Variants in DFFB observed in about 807,000 individuals in gnomAD.
DFFB encodes DNA fragmentation factor 40 kDa subunit.
DFFB carries 29 observed loss-of-function variants against 32.7 expected under a neutral mutation model. The ratio of observed to expected loss-of-function variants is 0.89; its 90% CI spans 0.66 to 1.21. The LOEUF is 1.21. DFFB is among the 50% of genes most tolerant of loss of function. The probability of loss-of-function intolerance (pLI) is 0.00; values close to 1 mark genes in which losing one functional copy is unlikely to be tolerated. For missense variants in DFFB, 398 were observed against 440.6 expected (o/e 0.90, Z 0.87); for synonymous variants, 170 against 177.1 (o/e 0.96, Z 0.32).
At position 3,857,694 on chromosome 1, in the gene DFFB, C is replaced by T. The variant is rs771103478; in HGVS notation, c.91C>T (p.Arg31Cys). Residue 31 changes from arginine (R) to cysteine (C), a missense_variant, in exon 1 of 7, where the codon CGC becomes TGC. Transcript: ENST00000378209. ...VAGRSCQEVL[R>C]KGCLRFQLPE... ...TGGCCGGAGCTGCCAGGAGGTGCTG[C>T]GCAAGGGCTGTCTCCGCTTCCAGGT... 1 of 1,565,068 alleles carries T rather than the reference C, an allele frequency of 6.4e-7. No individual in the cohort carries two copies. The highest frequency in any genetic ancestry group is 1.4e-5 in the African/African-American group (1 of 73,150).
chr1:3,882,153 G>A (rs1645351830), intron 6 of DFFB, among the ~76,000 whole-genome samples: 1 of 152,082 alleles, frequency 6.6e-6, no homozygotes, highest in Non-Finnish European at 1.5e-5. Context: ...GGGTTCAAGT[G>A]ATTTTCGTGC....
chr1:3,883,399 T>C, intron 6 of DFFB, 108 bp from the exon 7 acceptor site: 2 of 1,039,820 alleles, frequency 1.9e-6, no homozygotes, highest in Non-Finnish European at 2.8e-6. Flanking sequence ...GTGTCCGTGA[T>C]AGCACTTAGG....
chr1:3,872,936 C>T, intron 6 of DFFB: 1 of 1,217,440 alleles, frequency 8.2e-7, no homozygotes, highest in Non-Finnish European at 1.0e-6. Context: ...TGAGTTTGAA[C>T]CAGGGTGAGC....
chr1:3,867,439 C>T (rs1176689980), intron 3 of DFFB, among the ~76,000 whole-genome samples: 4 of 152,200 alleles, frequency 2.6e-5, no homozygotes, highest in Admixed American at 2.6e-4. Flanking sequence ...AGATTGTAGC[C>T]TTTTTGGGAA....
Position 3,883,805 on chromosome 1 carries a change from C to CTTTTTTGT in DFFB, c.*77_*84dup, listed in dbSNP as rs1454675195. 3.4e-6 allele frequency: 5 copies of CTTTTTTGT among 1,471,556 alleles called. No individual in the cohort carries two copies. The highest frequency in any genetic ancestry group is 4.7e-6 in the Non-Finnish European group (5 of 1,072,950). 91.2% of individuals were successfully genotyped at this position (1,471,556 alleles called of 1,614,324 possible). On this transcript the variant is annotated 3_prime_UTR_variant, in exon 7 of 7. Transcript: ENST00000378209. The stretch of plus-strand genomic sequence containing the variant: ...ACGTGGGCATCATTTTAACAGGTGC[C>CTTTTTTGT]TTTTTTGTTTTTTTGTTTTTCGTTT...
chr1:3,862,684 C>T (rs1372780050), intron 2 of DFFB, among the ~76,000 whole-genome samples: 1 of 152,034 alleles, frequency 6.6e-6, no homozygotes, highest in African/African-American at 2.4e-5. Flanking sequence ...GTACCTTATA[C>T]AAAAAGTACA....
At chr1:3,864,701 AT>A (rs902305262) in intron 2 of DFFB, among the ~76,000 whole-genome samples, 7 of 150,524 alleles carry the variant, frequency 4.7e-5, no homozygotes, top group African/African-American at 7.3e-5. Context: ...AATTATTATG[AT>A]TTTTTTTAGA....
chr1:3,883,263 C>G (rs1638216578), intron 6 of DFFB, among the ~76,000 whole-genome samples: 1 of 152,202 alleles, frequency 6.6e-6, no homozygotes, highest in Non-Finnish European at 1.5e-5. Flanking sequence ...CCTCGGCCTC[C>G]CAAAGTGTTG....
At chr1:3,873,922 AT>A (rs144166206) in intron 6 of DFFB, among the ~76,000 whole-genome samples, 1 of 152,022 alleles carries the variant, frequency 6.6e-6, no homozygotes, top group African/African-American at 2.4e-5. Flanking sequence ...TCGGAGTGAG[AT>A]TTTTTTTTAA....
intron 2 of DFFB, among the ~76,000 whole-genome samples, chr1:3,861,531 C>G (rs749261297): frequency 6.6e-6 from 1 of 152,096 alleles, no homozygotes; most frequent in African/African-American, 2.4e-5. Flanking sequence ...TGGGCTCAAG[C>G]GATCCTCCTA....
chr1:3,870,423 G>C (rs914447561), intron 5 of DFFB, among the ~76,000 whole-genome samples: 3 of 152,228 alleles, frequency 2.0e-5, no homozygotes, highest in Non-Finnish European at 4.4e-5. Flanking sequence ...CATGGGACAG[G>C]GCTCCTTGCT....
In DFFB at chr1:3,857,563, G is replaced by T; in HGVS notation, c.-41G>T. ...GGATCTGAGCAGCTGGGCAGCAGGT[G>T]CCACCGCCTGTGGGACCCAGAGGGC... On this transcript the variant is annotated 5_prime_UTR_variant, in exon 1 of 7. Transcript: ENST00000378209. 1 of 1,435,228 alleles carries T rather than the reference G, an allele frequency of 7.0e-7. No individual in the cohort carries two copies. Among genetic ancestry groups the T allele is most frequent in the Non-Finnish European group, 9.4e-7 (1 of 1,066,714 alleles). 88.9% of individuals were successfully genotyped at this position (1,435,228 alleles called of 1,614,324 possible).
Position 3,869,677 on chromosome 1 carries a change from C to T in DFFB, c.583C>T (p.Gln195Ter). 1 of 1,613,524 alleles carries T rather than the reference C, an allele frequency of 6.2e-7. No individual in the cohort carries two copies. Among genetic ancestry groups the T allele is most frequent in the Non-Finnish European group, 8.5e-7 (1 of 1,179,862 alleles). Residue 195 changes from glutamine (Q) to a stop codon, truncating the protein, a stop_gained, in exon 5 of 7, where the codon CAG becomes TAG. Coordinates refer to ENST00000378209, the MANE Select transcript of DFFB (RefSeq NM_004402.4). LOFTEE classifies it high-confidence loss of function. ...CCTGCGGGTCCTCGGCTCCATGTGC[C>T]AGAGGCTCCGGTCCATGCAGTACAA... is the stretch of plus-strand genomic sequence containing the variant. The part of the protein sequence containing the change: ...EFLRVLGSMC[Q>*]RLRSMQYNGS...
chr1:3,880,841 G>C (rs1645322609), intron 6 of DFFB, among the ~76,000 whole-genome samples: 1 of 152,182 alleles, frequency 6.6e-6, no homozygotes, highest in Non-Finnish European at 1.5e-5. Context: ...ATGGCTCTTC[G>C]TGGGTTCGGA....
intron 2 of DFFB, among the ~76,000 whole-genome samples, chr1:3,864,511 C>T (rs1337840564): frequency 1.3e-5 from 2 of 152,040 alleles, no homozygotes; most frequent in African/African-American, 4.8e-5. Flanking sequence ...TAATGGCTAA[C>T]AATGCTGACT....
intron 2 of DFFB, among the ~76,000 whole-genome samples, chr1:3,861,046 C>T (rs539882201): frequency 3.5e-3 from 523 of 150,088 alleles, no homozygotes; most frequent in Non-Finnish European, 6.0e-3. Flanking sequence ...TCTCGCTACT[C>T]AGGAGGCTGA....
In DFFB at chr1:3,870,401, G is replaced by A. The variant is rs78136515; in HGVS notation, c.681+626G>A. Among the ~76,000 whole-genome samples the A allele has an allele frequency of 6.7e-3, 1,012 of 151,060 alleles. 4 individuals carry two copies. Among genetic ancestry groups the A allele is most frequent in the African/African-American group, 0.023 (962 of 41,524 alleles). ...GGGCCAGGTGGTGGGCATGGCCTGC[G>A]GTGCTTCTTCCCATGGGACAGGGCT... On this transcript the variant is annotated intron_variant, in intron 5 of 6. Coordinates refer to ENST00000378209, the MANE Select transcript of DFFB (RefSeq NM_004402.4).
At chr1:3,867,900 G>C in intron 3 of DFFB, 74 bp from the exon 4 acceptor site, 2 of 1,365,452 alleles carry the variant, frequency 1.5e-6, no homozygotes, top group Non-Finnish European at 2.1e-6. Flanking sequence ...TTGGCACCTG[G>C]GCTGGGCAGG....
intron 2 of DFFB, among the ~76,000 whole-genome samples, chr1:3,863,838 G>T (rs1644923574): frequency 6.6e-6 from 1 of 152,176 alleles, no homozygotes; most frequent in South Asian, 2.1e-4. Context: ...AGGGTAGAGG[G>T]GAGGGAGGTT....
Sources: gnomAD v4.1 joint callset for allele counts (sites outside exome capture counted in the v4.1 genomes callset) on GRCh38, gnomAD v4.1.1 for gene constraint, MANE v1.5 for transcripts, NCBI Gene and HGNC (gene_info 2026-07-23, HGNC 2026-07-21) for gene names.